The following STXBP5L variants were observed in gnomAD, a reference collection of about 807,000 sequenced individuals.
STXBP5L encodes syntaxin binding protein 5L.
A neutral mutation model predicts 144.5 loss-of-function variants in STXBP5L; 65 were observed. The ratio of observed to expected loss-of-function variants is 0.45; its 90% confidence interval spans 0.37 to 0.55. STXBP5L has a LOEUF of 0.55. Among genes scored for constraint, STXBP5L ranks in the 20% least tolerant of loss-of-function variants. The probability of loss-of-function intolerance (pLI) is 0.00; values close to 1 mark genes in which losing one functional copy is unlikely to be tolerated. For synonymous variants in STXBP5L, 505 were observed against 469.6 expected, an observed-to-expected ratio of 1.08 and a Z score of -0.97; for missense variants, 1,298 against 1,405.5, an observed-to-expected ratio of 0.92 and a Z score of 1.22.
intron 9 of STXBP5L, among the ~76,000 whole-genome samples, chr3:121,186,668 T>A (rs532871062): frequency 6.6e-6 from 1 of 152,332 alleles, no homozygotes; most frequent in South Asian, 2.1e-4. Context: ...TGGATAAGCT[T>A]TTTGATGTGC....
chr3:121,091,224 T>C (rs1433905179), intron 5 of STXBP5L, among the ~76,000 whole-genome samples: 1 of 147,078 alleles, frequency 6.8e-6, no homozygotes, highest in South Asian at 2.2e-4. Context: ...TTGTGAATAG[T>C]GCCACAATAA....
At chr3:121,152,629 T>G in intron 8 of STXBP5L, 69 bp downstream of exon 8, 1 of 1,193,340 alleles carries the variant, frequency 8.4e-7, no homozygotes, top group Non-Finnish European at 1.2e-6. Context: ...CTTTTAAGCT[T>G]TGCACTTTAC....
intron 3 of STXBP5L, among the ~76,000 whole-genome samples, chr3:120,994,856 A>T (rs1943213891): frequency 6.6e-6 from 1 of 152,016 alleles, no homozygotes; most frequent in Non-Finnish European, 1.5e-5. Flanking sequence ...AATTGGTGTT[A>T]GTTCTTCATA....
chr3:121,330,807 G>A (rs1489905048), intron 20 of STXBP5L, among the ~76,000 whole-genome samples: 1 of 152,208 alleles, frequency 6.6e-6, no homozygotes, highest in African/African-American at 2.4e-5. Flanking sequence ...GAGAGATCCT[G>A]AGTCTGTTCA....
chr3:120,998,403 T>G (rs1196460961), intron 3 of STXBP5L, among the ~76,000 whole-genome samples: 1 of 152,046 alleles, frequency 6.6e-6, no homozygotes, highest in Admixed American at 6.6e-5. Flanking sequence ...AATATTATAC[T>G]TTAAATTTTG....
chr3:121,258,192 T>C (rs2108383925), intron 17 of STXBP5L, among the ~76,000 whole-genome samples: 1 of 152,320 alleles, frequency 6.6e-6, no homozygotes, highest in Admixed American at 6.5e-5. Flanking sequence ...TAATAGAGTA[T>C]AAATTACTAC....
chr3:121,184,144 G>T (rs1428896762), intron 9 of STXBP5L, among the ~76,000 whole-genome samples: 2 of 151,934 alleles, frequency 1.3e-5, no homozygotes, highest in Non-Finnish European at 2.9e-5. Flanking sequence ...CAATAAACCA[G>T]AATGCCTCTT....
chr3:120,978,738 C>G (rs1412528378), intron 3 of STXBP5L, among the ~76,000 whole-genome samples: 3 of 152,120 alleles, frequency 2.0e-5, no homozygotes, highest in African/African-American at 7.2e-5. Flanking sequence ...TATATCCTTT[C>G]TGTTTGTTAG....
chr3:121,068,954 A>G (rs933891500), intron 5 of STXBP5L, among the ~76,000 whole-genome samples: 1 of 152,144 alleles, frequency 6.6e-6, no homozygotes, highest in Non-Finnish European at 1.5e-5. Flanking sequence ...ACTAGTACAG[A>G]GGTTTTATGT....
rs922709871 is a variant in STXBP5L at position 121,334,267 on chromosome 3, C to A, written c.2176+15727C>A. On this transcript the variant is annotated intron_variant, in intron 20 of 26. Transcript: ENST00000471454. Reference sequence around the variant, plus strand: ...GAAAACTGACTAATACACCTACCAACCAGAAAAGTCCAGGTCCAGAAGGAT... The same window carrying A: ...GAAAACTGACTAATACACCTACCAAACAGAAAAGTCCAGGTCCAGAAGGAT... 2.0e-5 allele frequency among the ~76,000 whole-genome samples: 3 copies of A among 152,132 alleles called. No individual in the cohort carries two copies. In the East Asian group the frequency reaches 5.8e-4, roughly 29 times the overall value.
chr3:121,120,127 AG>A (rs2044393117), intron 6 of STXBP5L, among the ~76,000 whole-genome samples: 1 of 151,354 alleles, frequency 6.6e-6, no homozygotes, highest in African/African-American at 2.4e-5. Context: ...ACTTTAATTC[AG>A]GGTTTCCCAA....
intron 19 of STXBP5L, among the ~76,000 whole-genome samples, chr3:121,305,710 T>G (rs1005540544): frequency 6.6e-6 from 1 of 151,956 alleles, no homozygotes; most frequent in Non-Finnish European, 1.5e-5. Context: ...AAATACTGAC[T>G]TTTTTTTGTA....
chr3:121,024,848 G>A (rs939864087), intron 3 of STXBP5L, among the ~76,000 whole-genome samples: 1 of 152,074 alleles, frequency 6.6e-6, no homozygotes, highest in Admixed American at 6.6e-5. Context: ...TAAAGCTTGA[G>A]CAATTGATTT....
chr3:120,940,964 T>G (rs1425959277), intron 2 of STXBP5L, among the ~76,000 whole-genome samples: 1 of 151,622 alleles, frequency 6.6e-6, no homozygotes, highest in Non-Finnish European at 1.5e-5. Context: ...ATGAGATAGT[T>G]TAGAGATGGT....
At chr3:121,062,760 C>T (rs1211164429) in intron 5 of STXBP5L, among the ~76,000 whole-genome samples, 1 of 152,236 alleles carries the variant, frequency 6.6e-6, no homozygotes, top group East Asian at 1.9e-4. Flanking sequence ...TTAAGTTGCT[C>T]TTCATTCTTG....
chr3:120,961,193 T>G (rs1938753283), intron 3 of STXBP5L, among the ~76,000 whole-genome samples: 1 of 109,978 alleles, frequency 9.1e-6, no homozygotes, highest in Admixed American at 1.1e-4. Context: ...TTTGATTTTA[T>G]TTAGTTTTTT....
intron 22 of STXBP5L, among the ~76,000 whole-genome samples, chr3:121,383,114 A>C (rs1371107027): frequency 6.6e-6 from 1 of 151,792 alleles, no homozygotes; most frequent in Admixed American, 6.6e-5. Flanking sequence ...AGACCCCATC[A>C]CTACCAAAAA....
At chr3:120,978,010 A>G (rs1157163572) in intron 3 of STXBP5L, among the ~76,000 whole-genome samples, 1 of 152,158 alleles carries the variant, frequency 6.6e-6, no homozygotes, top group Admixed American at 6.5e-5. Flanking sequence ...GGTGAATATG[A>G]CAATTATGTG....
intron 3 of STXBP5L, among the ~76,000 whole-genome samples, chr3:121,029,538 G>T (rs896987797): frequency 6.6e-6 from 1 of 152,086 alleles, no homozygotes; most frequent in Non-Finnish European, 1.5e-5. Context: ...ATGCAAGATG[G>T]ATTAAAGACT....
Sources: gnomAD v4.1 joint callset for allele counts (sites outside exome capture counted in the v4.1 genomes callset) on GRCh38, gnomAD v4.1.1 for gene constraint, MANE v1.5 for transcripts, NCBI Gene and HGNC (gene_info 2026-07-23, HGNC 2026-07-21) for gene names.